Variants in CEP83 observed in about 807,000 individuals in gnomAD.
CEP83 encodes centrosomal protein 83, also known as centrosomal protein of 83 kDa.
CEP83 carries 70 observed loss-of-function variants against 101.9 expected under a neutral mutation model. That is an observed-to-expected ratio of 0.69 (90% CI 0.57 to 0.84). CEP83 has a LOEUF of 0.84. CEP83 is among the 40% of genes least tolerant of loss of function. CEP83 has a pLI of 0.00. For synonymous variants in CEP83, 264 were observed against 267.9 expected (o/e 0.99, Z 0.14); for missense variants, 715 against 787.2 (o/e 0.91, Z 1.10).
At chr12:94,277,364 A>G in the CEP83 span, among the ~76,000 whole-genome samples, 1 of 152,186 alleles carries the variant, frequency 6.6e-6, no homozygotes, top group African/African-American at 2.4e-5. Flanking sequence ...GGGGGACATC[A>G]ATATTCAGAT....
the CEP83 span, among the ~76,000 whole-genome samples, chr12:94,273,190 G>A: frequency 6.6e-6 from 1 of 152,138 alleles, no homozygotes; most frequent in Non-Finnish European, 1.5e-5. Flanking sequence ...AATAAATGCT[G>A]GTCCTTATTA....
the CEP83 span, among the ~76,000 whole-genome samples, chr12:94,280,494 T>C: frequency 3.3e-5 from 5 of 152,318 alleles, no homozygotes; most frequent in Admixed American, 2.0e-4. Flanking sequence ...GATAAAGCCT[T>C]GAGGCAGGGT....
chr12:94,355,490 C>CA (rs1003854493), intron 11 of CEP83, among the ~76,000 whole-genome samples: 8 of 149,356 alleles, frequency 5.4e-5, no homozygotes, highest in African/African-American at 1.5e-4. Flanking sequence ...GACTCCGTCT[C>CA]AAAAAAAAAG....
At chr12:94,272,411 A>T in the CEP83 span, 1 of 152,366 alleles carries the variant, frequency 6.6e-6, no homozygotes, top group Non-Finnish European at 1.5e-5. Flanking sequence ...GTCACCAGCC[A>T]TCTTTTAAGG....
intron 1 of CEP83, among the ~76,000 whole-genome samples, chr12:94,456,795 A>T (rs905137582): frequency 2.0e-5 from 3 of 152,216 alleles, no homozygotes; most frequent in Non-Finnish European, 4.4e-5. Context: ...TGGGGACACA[A>T]AGCCTAATCA....
Position 94,412,538 on chromosome 12 carries a change from G to A in CEP83, c.-48C>T. ...TTACTGTTTTAGTTTTCTTTCCAAGGGTATTTCCCACTCCTTTCTTGCTAA... is the reference window on the plus strand; with the variant it reads ...TTACTGTTTTAGTTTTCTTTCCAAGAGTATTTCCCACTCCTTTCTTGCTAA... On this transcript the variant is annotated 5_prime_UTR_variant, in exon 3 of 17. Transcript: ENST00000397809. 1.9e-6 allele frequency: 3 copies of A among 1,560,488 alleles called. No homozygotes were observed. Among genetic ancestry groups the A allele is most frequent in the Non-Finnish European group, 2.6e-6 (3 of 1,140,258 alleles).
intron 11 of CEP83, among the ~76,000 whole-genome samples, chr12:94,340,672 G>A (rs1221872821): frequency 1.3e-5 from 2 of 152,120 alleles, no homozygotes; most frequent in African/African-American, 2.4e-5. Flanking sequence ...CCTGACCTCA[G>A]GTGTTCCACC....
intron 5 of CEP83, 103 bp downstream of exon 5, chr12:94,403,067 A>G (rs1337866638): frequency 3.2e-6 from 2 of 626,814 alleles, no homozygotes; most frequent in African/African-American, 3.7e-5. Flanking sequence ...GACTGAGTAA[A>G]AGGGGGAACT....
intron 2 of CEP83, chr12:94,424,106 G>C: frequency 1.2e-6 from 2 of 1,606,740 alleles, no homozygotes; most frequent in Non-Finnish European, 1.7e-6. Context: ...CTGATACGAA[G>C]ACACAGGAGA....
At chr12:94,321,402 T>C (rs2058738396) in intron 14 of CEP83, among the ~76,000 whole-genome samples, 1 of 152,230 alleles carries the variant, frequency 6.6e-6, no homozygotes, top group African/African-American at 2.4e-5. Flanking sequence ...TAAGAACCCT[T>C]GTTGGAGAAC....
the CEP83 span, among the ~76,000 whole-genome samples, chr12:94,273,662 C>G: frequency 6.6e-6 from 1 of 152,278 alleles, no homozygotes; most frequent in Non-Finnish European, 1.5e-5. Context: ...TACTAGTCTG[C>G]TAGTACTTCC....
At chr12:94,392,429 C>A (rs896765864) in intron 6 of CEP83, among the ~76,000 whole-genome samples, 1 of 152,196 alleles carries the variant, frequency 6.6e-6, no homozygotes, top group African/African-American at 2.4e-5. Context: ...TAAAGATGTT[C>A]TTTGAAACCA....
chr12:94,441,133 C>T (rs903218742), intron 1 of CEP83, among the ~76,000 whole-genome samples: 9 of 151,928 alleles, frequency 5.9e-5, no homozygotes, highest in East Asian at 1.9e-4. Flanking sequence ...AAAGAGTTCA[C>T]GACCAAGAAC....
chr12:94,283,643 T>C, the CEP83 span, among the ~76,000 whole-genome samples: 1 of 152,182 alleles, frequency 6.6e-6, no homozygotes. Flanking sequence ...GGGAAGCCAG[T>C]GAGCCAGGAG....
intron 9 of CEP83, chr12:94,368,408 ACT>A: frequency 1.9e-6 from 1 of 528,988 alleles, no homozygotes; most frequent in East Asian, 3.2e-5. Flanking sequence ...TTTTCCTGTC[ACT>A]GTTTATTTAG....
chr12:94,383,845 G>C (rs1484538782), intron 6 of CEP83, among the ~76,000 whole-genome samples: 1 of 151,976 alleles, frequency 6.6e-6, no homozygotes, highest in African/African-American at 2.4e-5. Context: ...CATTTTGTCA[G>C]TTTGAGTGAT....
At chr12:94,333,283 T>A (rs540107302) in intron 13 of CEP83, among the ~76,000 whole-genome samples, 199 bp downstream of exon 13, 7 of 152,202 alleles carry the variant, frequency 4.6e-5, no homozygotes, top group East Asian at 1.9e-4. Flanking sequence ...TTAATTTTTT[T>A]AAAAACAATT....
At position 94,308,330 on chromosome 12, in the gene CEP83, G is replaced by A. The variant is rs1969292343; in HGVS notation, c.*483C>T. 3 of 151,976 alleles carry A rather than the reference G, an allele frequency of 2.0e-5. No individual in the cohort carries two copies. The East Asian group carries it at 5.8e-4, about 29-fold the overall frequency. 9.4% of individuals were successfully genotyped at this position (151,976 alleles called of 1,614,324 possible). ...TATGTGCACACAGATTTTAGAAAAG[G>A]TAGCCTTTTGTATATAGATACCTTT... On this transcript the variant is annotated 3_prime_UTR_variant, in exon 17 of 17. Transcript: ENST00000397809.
chr12:94,289,090 T>TTCAAAC, the CEP83 span, among the ~76,000 whole-genome samples: 1 of 152,230 alleles, frequency 6.6e-6, no homozygotes, highest in Non-Finnish European at 1.5e-5. Context: ...AAGTTCAACC[T>TTCAAAC]TACATTTCTA....
Sources: gnomAD v4.1 joint callset for allele counts (sites outside exome capture counted in the v4.1 genomes callset) on GRCh38, gnomAD v4.1.1 for gene constraint, MANE v1.5 for transcripts, NCBI Gene and HGNC (gene_info 2026-07-23, HGNC 2026-07-21) for gene names.